The following POP4 variants were observed in gnomAD, a reference collection of about 807,000 sequenced individuals.
The protein encoded by POP4 is ribonuclease P protein subunit p29.
Under a neutral mutation model 29.9 loss-of-function variants are expected in POP4, and 31 were observed. The observed-to-expected ratio is 1.04, with a 90% CI of 0.78 to 1.40. The LOEUF is 1.40. POP4 is among the 40% of genes most tolerant of loss of function. The pLI, the probability that POP4 is intolerant of heterozygous loss-of-function variation, is 0.00. For synonymous variants in POP4, 110 were observed against 108.2 expected, an observed-to-expected ratio of 1.02 and a Z score of -0.10; for missense variants, 286 against 282.7, an observed-to-expected ratio of 1.01 and a Z score of -0.08.
chr19:29,611,765 G>T lies in POP4; in HGVS notation c.285-97G>T, dbSNP rs975776138. Reference sequence around the variant, plus strand: ...ACATAGTTCCTAATGATCCCAGGTTGCAGTTGTTGGCATCAAGTCAAGCTC... The same window carrying T: ...ACATAGTTCCTAATGATCCCAGGTTTCAGTTGTTGGCATCAAGTCAAGCTC... On this transcript the variant is annotated intron_variant, in intron 3 of 6. Transcript: ENST00000585603. The T allele has an allele frequency of 5.3e-6, 5 of 950,372 alleles. No individual in the cohort carries two copies. In the African/African-American group the frequency reaches 8.1e-5, roughly 15 times the overall value. 58.9% of individuals were successfully genotyped at this position (950,372 alleles called of 1,614,324 possible).
intron 3 of POP4, 197 bp downstream of exon 3, chr19:29,610,829 G>GA: frequency 1.7e-6 from 1 of 597,994 alleles, no homozygotes; most frequent in Non-Finnish European, 3.0e-6. Context: ...CTCATTGTCT[G>GA]GCCTCTCTCC....
chr19:29,614,353 T>C (rs957296765), intron 6 of POP4, among the ~76,000 whole-genome samples: 4 of 152,214 alleles, frequency 2.6e-5, no homozygotes, highest in Admixed American at 2.6e-4. Context: ...TCCCTGGAGT[T>C]CTGAGCTGTG....
intron 2 of POP4, 109 bp downstream of exon 2, chr19:29,608,818 C>A: frequency 9.5e-7 from 1 of 1,048,794 alleles, no homozygotes; most frequent in South Asian, 1.3e-5. Flanking sequence ...CATCATACTC[C>A]TCATTTTTCT....
chr19:29,610,832 C>T (rs193039585), intron 3 of POP4, 200 bp downstream of exon 3: 1 of 566,132 alleles, frequency 1.8e-6, no homozygotes, highest in African/African-American at 2.1e-5. Context: ...ATTGTCTGGC[C>T]TCTCTCCTCA....
Position 29,610,861 on chromosome 19 carries a change from G to C in POP4, c.284+229G>C, listed in dbSNP as rs937968514. On this transcript the variant is annotated intron_variant, in intron 3 of 6. Coordinates refer to ENST00000585603, the MANE Select transcript of POP4 (RefSeq NM_006627.3). ...CTCCTCACCTTCAGGAGTAAGACCC[G>C]TGCAAGTACATCTGTTGCCCATGGC... The C allele has an allele frequency of 2.2e-5, 12 of 553,852 alleles. No individual in the cohort carries two copies. The Admixed American group carries it at 3.2e-4, about 15-fold the overall frequency. 34.3% of individuals were successfully genotyped at this position (553,852 alleles called of 1,614,324 possible).
intron 4 of POP4, 57 bp downstream of exon 4, chr19:29,611,996 T>G: frequency 6.3e-7 from 1 of 1,593,048 alleles, no homozygotes; most frequent in South Asian, 1.1e-5. Context: ...CTCTGATCAT[T>G]GTAAATGCGG....
intron 2 of POP4, 44 bp downstream of exon 2, chr19:29,608,753 A>G: frequency 6.3e-7 from 1 of 1,574,848 alleles, no homozygotes; most frequent in Non-Finnish European, 8.7e-7. Context: ...AGGTGATGGC[A>G]AAGATGGCTC....
rs150671362 is a variant in POP4 at position 29,606,324 on chromosome 19, G to A, written c.6G>A (p.Lys2=). 554 of 1,606,792 alleles carry A rather than the reference G, an allele frequency of 3.4e-4. 5 individuals are homozygous for A. In the African/African-American group the frequency reaches 5.8e-3, roughly 17 times the overall value. Residue 2 remains lysine, a splice_region_variant and synonymous_variant, in exon 1 of 7, where the codon AAG becomes AAA. Transcript: ENST00000585603. The part of the protein sequence containing the change: M[K]SVIYHALSQK... ...GCGCCGGAAGCGGTCCGAGAATGAA[G>A]AGTAAGCGGGGCCGCGAAGTTGGAG...
At position 29,613,882 on chromosome 19, in the gene POP4, A is replaced by T; in HGVS notation, c.436A>T (p.Lys146Ter). 1 of 1,612,642 alleles carries T rather than the reference A, an allele frequency of 6.2e-7. No individual in the cohort carries two copies. Among genetic ancestry groups the T allele is most frequent in the South Asian group, 1.1e-5 (1 of 90,918 alleles). Residue 146 changes from lysine (K) to a stop codon, truncating the protein, a stop_gained, in exon 6 of 7, where the codon AAA becomes TAA. Transcript: ENST00000585603. LOFTEE classifies it high-confidence loss of function. ...CTTTTTCTTTGCAGTGACAAAATCC[A>T]AATGCCCCTCTTATGTGGGTATTAC... is the stretch of plus-strand genomic sequence containing the variant. ...HGAIISVTKSKCPSYVGITGI... is the reference protein window; with the variant it reads ...HGAIISVTKS
At chr19:29,609,019 G>A (rs937230984) in intron 2 of POP4, 1 of 284,078 alleles carries the variant, frequency 3.5e-6, no homozygotes, top group Admixed American at 5.2e-5. Context: ...CCTTGTCACT[G>A]TGCCCTCTGC....
chr19:29,607,248 A>G (rs915678565), intron 1 of POP4, among the ~76,000 whole-genome samples: 1 of 150,848 alleles, frequency 6.6e-6, no homozygotes, highest in African/African-American at 2.4e-5. Context: ...AACTTGGGCA[A>G]CAACATAGCG....
rs1470614069 is a variant in POP4 at position 29,608,653 on chromosome 19, C to G, written c.8-4C>G. 6.2e-7 allele frequency: 1 copy of G among 1,613,146 alleles called. No homozygotes were observed. Among genetic ancestry groups the G allele is most frequent in the Non-Finnish European group, 8.5e-7 (1 of 1,179,406 alleles). On this transcript the variant is annotated splice_region_variant and splice_polypyrimidine_tract_variant and intron_variant, in intron 1 of 6. Transcript: ENST00000585603. ...TTGATCATTTCTTTTTTTTAATCCC[C>G]CAGGTGTGATCTACCATGCATTGTC... is the stretch of plus-strand genomic sequence containing the variant.
chr19:29,606,301 G>A lies in POP4; in HGVS notation c.-18G>A, dbSNP rs1224602845. 1.2e-6 allele frequency: 2 copies of A among 1,603,206 alleles called. No homozygotes were observed. Among genetic ancestry groups the A allele is most frequent in the East Asian group, 4.6e-5 (2 of 43,900 alleles). On this transcript the variant is annotated 5_prime_UTR_variant, in exon 1 of 7. Transcript: ENST00000585603. Reference sequence around the variant, plus strand: ...AGCTGCCAGTGCGTCATCAGAGAGCGCCGGAAGCGGTCCGAGAATGAAGAG... The same window carrying A: ...AGCTGCCAGTGCGTCATCAGAGAGCACCGGAAGCGGTCCGAGAATGAAGAG...
Position 29,615,370 on chromosome 19 carries a change from T to G in POP4, c.653T>G (p.Ile218Ser). The G allele has an allele frequency of 6.2e-7, 1 of 1,613,492 alleles. No individual in the cohort carries two copies. Among genetic ancestry groups the G allele is most frequent in the Non-Finnish European group, 8.5e-7 (1 of 1,179,812 alleles). ...SAKKFKAKGT[I>S]DL ...AAGAAGTTCAAAGCGAAGGGAACGA[T>G]TGACCTGTGAATTCTTTGCCGTCTA... The change falls in exon 7 of 7, where the codon ATT (isoleucine) becomes AGT (serine). Residue 218 changes from isoleucine (I) to serine (S), a missense_variant. Ile to Ser is a moderately radical substitution (Grantham distance 142, BLOSUM62 -2). Coordinates refer to ENST00000585603, the MANE Select transcript of POP4 (RefSeq NM_006627.3).
rs187128087 is a variant in POP4 at position 29,610,198 on chromosome 19, C to A, written c.61-211C>A. 8 of 566,598 alleles carry A rather than the reference C, an allele frequency of 1.4e-5. No individual in the cohort carries two copies. The African/African-American group carries it at 1.5e-4, about 11-fold the overall frequency. The allele number at this position is 566,598 out of a possible 1,614,324, so 35.1% of individuals were successfully genotyped here. On this transcript the variant is annotated intron_variant, in intron 2 of 6. Transcript: ENST00000585603. Reference sequence around the variant, plus strand: ...TTGACACGCTGTTGTGTGTGACAAACGGTCATGAATTGGTGTGTGAGTGTG... The same window carrying A: ...TTGACACGCTGTTGTGTGTGACAAAAGGTCATGAATTGGTGTGTGAGTGTG...
Position 29,611,946 on chromosome 19 carries a change from T to C in POP4, c.362+7T>C. 6.2e-7 allele frequency: 1 copy of C among 1,613,218 alleles called. No individual in the cohort carries two copies. The highest frequency in any genetic ancestry group is 8.5e-7 in the Non-Finnish European group (1 of 1,179,132). On this transcript the variant is annotated splice_region_variant and intron_variant, in intron 4 of 6. Transcript: ENST00000585603. ...GTGGGCTCAAGCCAGACACGTAAGT[T>C]GCATTCCTGAAGCTTTGCTCTTTGG...
chr19:29,612,958 G>A (rs549880477), intron 5 of POP4, among the ~76,000 whole-genome samples: 2 of 152,296 alleles, frequency 1.3e-5, no homozygotes, highest in Non-Finnish European at 2.9e-5. Context: ...TCGTATGGGA[G>A]TAAACCTGCC....
chr19:29,610,171 G>A (rs1307361529), intron 2 of POP4: 24 of 531,162 alleles, frequency 4.5e-5, no homozygotes, highest in South Asian at 7.6e-5. Flanking sequence ...GGAAGTGAGC[G>A]TTTGACACGC....
At chr19:29,614,218 G>T (rs943551690) in intron 6 of POP4, among the ~76,000 whole-genome samples, 4 of 152,236 alleles carry the variant, frequency 2.6e-5, no homozygotes, top group Non-Finnish European at 5.9e-5. Flanking sequence ...GACCTGCTCG[G>T]CTGTGCCTCA....
Sources: allele counts gnomAD v4.1 joint callset (sites outside exome capture counted in the v4.1 genomes callset), GRCh38; gene constraint gnomAD v4.1.1; transcripts MANE v1.5; gene names NCBI Gene and HGNC (gene_info 2026-07-23, HGNC 2026-07-21).